Variants in THSD7B observed in about 807,000 individuals in gnomAD.
THSD7B encodes thrombospondin type 1 domain containing 7B, also known as thrombospondin type-1 domain-containing protein 7B.
A neutral mutation model predicts 213.6 loss-of-function variants in THSD7B; 138 were observed. The ratio of observed to expected loss-of-function variants is 0.65; its 90% confidence interval spans 0.56 to 0.74. The LOEUF is 0.74. Ranked by LOEUF, THSD7B falls within the 30% of genes least tolerant of loss-of-function variation. The pLI, the probability that THSD7B is intolerant of heterozygous loss-of-function variation, is 0.00. For synonymous variants in THSD7B, 742 were observed against 687.0 expected (o/e 1.08, Z -1.25); for missense variants, 1,931 against 1,991.5 (o/e 0.97, Z 0.58).
At chr2:136,787,369 G>T (rs10496757) in intron 1 of THSD7B, among the ~76,000 whole-genome samples, 7,853 of 151,992 alleles carry the variant, frequency 0.052, 689 homozygotes, top group African/African-American at 0.18. Context: ...AGCTCTCTAG[G>T]TGTAAATTAT....
intron 15 of THSD7B, among the ~76,000 whole-genome samples, chr2:137,534,149 C>G (rs1317537480): frequency 2.6e-5 from 4 of 151,304 alleles, no homozygotes; most frequent in Non-Finnish European, 4.4e-5. Flanking sequence ...CCCCTTTTGC[C>G]TTTGATCTAG....
intron 10 of THSD7B, among the ~76,000 whole-genome samples, chr2:137,246,484 G>C (rs1682041877): frequency 6.6e-6 from 1 of 152,188 alleles, no homozygotes; most frequent in African/African-American, 2.4e-5. Context: ...GCAGTGATTT[G>C]TGACATAGCA....
intron 2 of THSD7B, among the ~76,000 whole-genome samples, chr2:136,900,559 C>A (rs1479338033): frequency 6.6e-6 from 1 of 152,060 alleles, no homozygotes; most frequent in Non-Finnish European, 1.5e-5. Flanking sequence ...GGCCTTTTAT[C>A]ACATTTTATA....
chr2:137,328,010 G>A (rs1684410965), intron 12 of THSD7B, among the ~76,000 whole-genome samples: 1 of 152,086 alleles, frequency 6.6e-6, no homozygotes, highest in Admixed American at 6.5e-5. Flanking sequence ...CCGTTGCAAT[G>A]TTTCTCCCTC....
At chr2:137,283,618 A>C (rs1204022484) in intron 12 of THSD7B, among the ~76,000 whole-genome samples, 2 of 152,146 alleles carry the variant, frequency 1.3e-5, no homozygotes, top group Non-Finnish European at 2.9e-5. Flanking sequence ...AGCGTTGTTG[A>C]ATTTTGTCAA....
At chr2:137,494,366 T>A (rs1679510748) in intron 15 of THSD7B, among the ~76,000 whole-genome samples, 1 of 152,194 alleles carries the variant, frequency 6.6e-6, no homozygotes, top group South Asian at 2.1e-4. Flanking sequence ...AATTTACTCC[T>A]TTAAAAAATA....
chr2:137,238,530 C>CTTTTTT (rs1573905313), intron 9 of THSD7B, among the ~76,000 whole-genome samples: 1 of 62,792 alleles, frequency 1.6e-5, no homozygotes, highest in African/African-American at 6.2e-5. Context: ...TGACACTCAT[C>CTTTTTT]TTTCTTTTTT....
chr2:137,572,660 A>C (rs982738938), intron 17 of THSD7B, 104 bp downstream of exon 17: 2 of 1,258,346 alleles, frequency 1.6e-6, no homozygotes, highest in Non-Finnish European at 2.1e-6. Flanking sequence ...TTCTAGTAAC[A>C]TGGGAAAATA....
intron 14 of THSD7B, among the ~76,000 whole-genome samples, chr2:137,441,051 T>C (rs1273062608): frequency 6.6e-6 from 1 of 152,146 alleles, no homozygotes; most frequent in Non-Finnish European, 1.5e-5. Context: ...ATTTAGATAG[T>C]ATATTAGCCA....
At chr2:137,056,285 ATGT>A in intron 2 of THSD7B, 132 bp from the exon 3 acceptor site, 1 of 801,804 alleles carries the variant, frequency 1.2e-6, no homozygotes, top group Non-Finnish European at 1.9e-6. Context: ...CCACTAAATT[ATGT>A]TGTCTCTGTT....
chr2:137,285,331 G>A (rs147773375), intron 12 of THSD7B, among the ~76,000 whole-genome samples: 11 of 152,134 alleles, frequency 7.2e-5, no homozygotes, highest in African/African-American at 2.2e-4. Context: ...TATAGCACAC[G>A]GATGGGTCTT....
intron 1 of THSD7B, among the ~76,000 whole-genome samples, chr2:136,789,969 T>C (rs1681932774): frequency 1.3e-5 from 2 of 152,056 alleles, no homozygotes; most frequent in Admixed American, 1.3e-4. Context: ...GATTTTGTCT[T>C]TTTTTATTTC....
intron 3 of THSD7B, among the ~76,000 whole-genome samples, chr2:137,070,006 A>G (rs1687450634): frequency 6.6e-6 from 1 of 151,572 alleles, no homozygotes; most frequent in Non-Finnish European, 1.5e-5. Context: ...CTCCTCATCC[A>G]TATTGATTTA....
intron 6 of THSD7B, among the ~76,000 whole-genome samples, chr2:137,162,567 G>C (rs1680037588): frequency 6.6e-6 from 1 of 152,140 alleles, no homozygotes. Flanking sequence ...GCAGTTCTGA[G>C]GGTCAGATTT....
At chr2:137,576,801 C>T (rs939610601) in intron 17 of THSD7B, among the ~76,000 whole-genome samples, 1 of 150,940 alleles carries the variant, frequency 6.6e-6, no homozygotes, top group African/African-American at 2.4e-5. Flanking sequence ...AAACACCCCC[C>T]CCCCTTTTTT....
intron 7 of THSD7B, among the ~76,000 whole-genome samples, chr2:137,207,405 T>G (rs1456988856): frequency 6.6e-6 from 1 of 152,054 alleles, no homozygotes. Flanking sequence ...GGACGCATAT[T>G]ATAAAGAATT....
chr2:136,845,695 A>G (rs756944304), intron 1 of THSD7B, among the ~76,000 whole-genome samples: 7 of 152,308 alleles, frequency 4.6e-5, no homozygotes, highest in Non-Finnish European at 7.4e-5. Context: ...GTGCTAACCT[A>G]TTATGAACTT....
intron 15 of THSD7B, among the ~76,000 whole-genome samples, chr2:137,540,528 G>A (rs563987870): frequency 6.6e-6 from 1 of 151,734 alleles, no homozygotes; most frequent in South Asian, 2.1e-4. Context: ...GGAAGCCAGT[G>A]GAGAGGGCTG....
intron 3 of THSD7B, among the ~76,000 whole-genome samples, chr2:137,064,970 G>GT (rs1385647980): frequency 2.0e-5 from 3 of 150,946 alleles, no homozygotes; most frequent in South Asian, 4.2e-4. Context: ...TGTTGTTGTT[G>GT]TTTTTTCAGG....
Sources: allele counts gnomAD v4.1 joint callset (sites outside exome capture counted in the v4.1 genomes callset), GRCh38; gene constraint gnomAD v4.1.1; transcripts MANE v1.5; gene names NCBI Gene and HGNC (gene_info 2026-07-23, HGNC 2026-07-21).